MAST4: variants seen among roughly 807,000 people sequenced by gnomAD.
The protein encoded by MAST4 is microtubule-associated serine/threonine-protein kinase 4.
Under a neutral mutation model 162.7 loss-of-function variants are expected in MAST4, and 89 were observed. That is an observed-to-expected ratio of 0.55 (90% confidence interval 0.46 to 0.65). The LOEUF is 0.65. MAST4 is among the 30% of genes least tolerant of loss of function. MAST4 has a pLI of 0.00. For synonymous variants in MAST4, 1,479 were observed against 1,361.1 expected, an observed-to-expected ratio of 1.09 and a Z score of -1.91; for missense variants, 3,153 against 3,374.0, an observed-to-expected ratio of 0.93 and a Z score of 1.62.
intron 4 of MAST4, among the ~76,000 whole-genome samples, chr5:66,911,444 A>G (rs1036140358): frequency 6.6e-6 from 1 of 151,688 alleles, no homozygotes; most frequent in East Asian, 1.9e-4. Flanking sequence ...GCTTACTCCT[A>G]TAATGCCAGC....
intron 4 of MAST4, among the ~76,000 whole-genome samples, chr5:66,978,136 T>G (rs1355507689): frequency 1.3e-5 from 2 of 152,222 alleles, no homozygotes; most frequent in African/African-American, 4.8e-5. Context: ...AGATATACTT[T>G]GAAATCATTG....
chr5:66,792,979 A>G lies in MAST4; in HGVS notation c.642+4185A>G, dbSNP rs552764659. On this transcript the variant is annotated intron_variant, in intron 3 of 28. Coordinates refer to ENST00000403625, the MANE Select transcript of MAST4 (RefSeq NM_001164664.2). Reference sequence around the variant, plus strand: ...GCCCAATTGCAACAAAATACATTTCAGAAAAGTATAGGCCCTCAACGTGAG... The same window carrying G: ...GCCCAATTGCAACAAAATACATTTCGGAAAAGTATAGGCCCTCAACGTGAG... Among the ~76,000 whole-genome samples, 7 of 152,340 alleles carry G rather than the reference A, an allele frequency of 4.6e-5. No individual in the cohort carries two copies. In the East Asian group the frequency reaches 1.2e-3, roughly 25 times the overall value.
chr5:66,641,059 A>C (rs957838171), intron 1 of MAST4, among the ~76,000 whole-genome samples: 1 of 152,082 alleles, frequency 6.6e-6, no homozygotes, highest in Non-Finnish European at 1.5e-5. Flanking sequence ...TGGATTATTC[A>C]GTTCTTTTGG....
intron 1 of MAST4, among the ~76,000 whole-genome samples, chr5:66,750,270 A>C (rs1753051644): frequency 6.6e-6 from 1 of 152,210 alleles, no homozygotes; most frequent in Non-Finnish European, 1.5e-5. Context: ...ATGAGTCTTT[A>C]AAATGCATGT....
chr5:66,900,107 C>A, intron 4 of MAST4, 125 bp downstream of exon 4: 1 of 668,920 alleles, frequency 1.5e-6, no homozygotes, highest in Non-Finnish European at 2.2e-6. Flanking sequence ...AAACAAAAAA[C>A]TGAATTTATT....
chr5:66,651,535 T>C (rs1305693696), intron 1 of MAST4, among the ~76,000 whole-genome samples: 4 of 152,092 alleles, frequency 2.6e-5, no homozygotes, highest in Non-Finnish European at 5.9e-5. Context: ...ATTGTTACCA[T>C]TGGCAACTTA....
At chr5:66,949,204 A>G (rs1436337908) in intron 4 of MAST4, among the ~76,000 whole-genome samples, 1 of 152,182 alleles carries the variant, frequency 6.6e-6, no homozygotes, top group East Asian at 1.9e-4. Context: ...AGTTGGAGTC[A>G]GAACTGATTT....
At chr5:66,721,379 T>G (rs1243085419) in intron 1 of MAST4, among the ~76,000 whole-genome samples, 1 of 152,102 alleles carries the variant, frequency 6.6e-6, no homozygotes, top group Non-Finnish European at 1.5e-5. Context: ...TGAAACATAA[T>G]GGTCAATTCT....
chr5:66,729,125 C>A (rs79726044), intron 1 of MAST4, among the ~76,000 whole-genome samples: 1 of 152,048 alleles, frequency 6.6e-6, no homozygotes, highest in Non-Finnish European at 1.5e-5. Flanking sequence ...CTTAACTGAC[C>A]CATTTGAAAG....
At chr5:67,005,999 A>G (rs1327234669) in intron 4 of MAST4, among the ~76,000 whole-genome samples, 2 of 152,252 alleles carry the variant, frequency 1.3e-5, no homozygotes, top group Admixed American at 6.5e-5. Flanking sequence ...TCAGTGTTCA[A>G]AGAACCCAAG....
At chr5:67,152,615 A>C in intron 24 of MAST4, 22 bp from the exon 25 acceptor site, 1 of 1,606,078 alleles carries the variant, frequency 6.2e-7, no homozygotes, top group Non-Finnish European at 8.5e-7. Context: ...ATGGGCTTTG[A>C]TGACTGGCTT....
intron 3 of MAST4, among the ~76,000 whole-genome samples, chr5:66,812,398 A>G (rs1242611568): frequency 1.3e-5 from 2 of 152,206 alleles, no homozygotes; most frequent in African/African-American, 2.4e-5. Context: ...ACCTTGAAAC[A>G]TGGCCCAGGA....
intron 4 of MAST4, among the ~76,000 whole-genome samples, chr5:67,036,320 C>T (rs1435583514): frequency 6.6e-6 from 1 of 151,672 alleles, no homozygotes; most frequent in African/African-American, 2.4e-5. Context: ...TCACATTTTC[C>T]AGGTTAAGAG....
chr5:66,940,822 T>C (rs867055265), intron 4 of MAST4, among the ~76,000 whole-genome samples: 1 of 152,154 alleles, frequency 6.6e-6, no homozygotes, highest in South Asian at 2.1e-4. Flanking sequence ...GGAATCATTA[T>C]AGCCGCCATA....
intron 4 of MAST4, among the ~76,000 whole-genome samples, chr5:67,039,573 G>A (rs1275963488): frequency 6.6e-6 from 1 of 152,190 alleles, no homozygotes; most frequent in African/African-American, 2.4e-5. Flanking sequence ...GGACGAATGA[G>A]TTCCTCTCAT....
intron 1 of MAST4, among the ~76,000 whole-genome samples, chr5:66,624,987 A>G (rs933558908): frequency 6.6e-5 from 10 of 152,378 alleles, no homozygotes; most frequent in South Asian, 6.2e-4. Flanking sequence ...ATGGTATTAC[A>G]TAAAACTAAA....
intron 4 of MAST4, among the ~76,000 whole-genome samples, chr5:66,943,201 T>C (rs2150109178): frequency 6.6e-6 from 1 of 152,268 alleles, no homozygotes; most frequent in Non-Finnish European, 1.5e-5. Context: ...AAAAGTTAAG[T>C]ATCCCTTCTA....
chr5:66,676,942 A>T (rs1236029858), intron 1 of MAST4, among the ~76,000 whole-genome samples: 1 of 152,170 alleles, frequency 6.6e-6, no homozygotes, highest in Non-Finnish European at 1.5e-5. Context: ...ATCATCCATT[A>T]TTGGGAGTTG....
chr5:66,740,177 A>G (rs1442493757), intron 1 of MAST4, among the ~76,000 whole-genome samples: 1 of 152,112 alleles, frequency 6.6e-6, no homozygotes, highest in Non-Finnish European at 1.5e-5. Context: ...AGGCCATCTC[A>G]TCACATGAGG....
Sources: gnomAD v4.1 joint callset for allele counts (sites outside exome capture counted in the v4.1 genomes callset) on GRCh38, gnomAD v4.1.1 for gene constraint, MANE v1.5 for transcripts, NCBI Gene and HGNC (gene_info 2026-07-23, HGNC 2026-07-21) for gene names.